The following NFIB variants were observed in gnomAD, a reference collection of about 807,000 sequenced individuals.
NFIB encodes the protein nuclear factor 1 B-type.
A neutral mutation model predicts 61.5 loss-of-function variants in NFIB; 11 were observed. The ratio of observed to expected loss-of-function variants is 0.18; its 90% CI spans 0.11 to 0.30. The LOEUF (loss-of-function observed/expected upper bound fraction) is 0.30. NFIB is among the 10% of genes least tolerant of loss of function. The probability of loss-of-function intolerance (pLI) is 1.00; values close to 1 mark genes in which losing one functional copy is unlikely to be tolerated. For synonymous variants in NFIB, 260 were observed against 216.5 expected (o/e 1.20, Z -1.76); for missense variants, 471 against 608.9 (o/e 0.77, Z 2.38).
the NFIB span, among the ~76,000 whole-genome samples, chr9:14,441,134 C>CAA: frequency 9.9e-5 from 10 of 100,986 alleles, no homozygotes; most frequent in Admixed American, 2.0e-4. Context: ...TGAGTGGGTT[C>CAA]AAAAAAAAAA....
the NFIB span, among the ~76,000 whole-genome samples, chr9:14,427,818 T>C: frequency 6.6e-6 from 1 of 151,790 alleles, no homozygotes; most frequent in South Asian, 2.1e-4. Flanking sequence ...AAATTTGAAA[T>C]AGACAAAGAA....
the NFIB span, among the ~76,000 whole-genome samples, chr9:14,522,800 T>G: frequency 6.6e-6 from 1 of 152,204 alleles, no homozygotes; most frequent in African/African-American, 2.4e-5. Flanking sequence ...GCATCAGCAT[T>G]GAACCTTGAA....
At chr9:14,335,240 T>G (rs2060872257) in intron 1 of NFIB, among the ~76,000 whole-genome samples, 1 of 152,206 alleles carries the variant, frequency 6.6e-6, no homozygotes, top group South Asian at 2.1e-4. Flanking sequence ...AGGTGTCTGT[T>G]TAACTTTTTA....
At chr9:14,410,198 C>CA in the NFIB span, among the ~76,000 whole-genome samples, 1,790 of 117,536 alleles carry the variant, frequency 0.015, 22 homozygotes, top group African/African-American at 0.04. Context: ...TACTATTTTC[C>CA]AAAAAAAAAA....
At chr9:14,144,033 T>TGTGTGTGTGTGTGTGTGTGTG (rs55863803) in intron 6 of NFIB, among the ~76,000 whole-genome samples, 29 of 150,078 alleles carry the variant, frequency 1.9e-4, no homozygotes, top group African/African-American at 2.7e-4. Flanking sequence ...TGTGTGTGTG[T>TGTGTGTGTGTGTGTGTGTGTG]TTAAAATGCA....
chr9:14,089,674 C>T (rs2033545883), intron 10 of NFIB, among the ~76,000 whole-genome samples: 1 of 151,772 alleles, frequency 6.6e-6, no homozygotes, highest in African/African-American at 2.4e-5. Flanking sequence ...TTTCACTGAA[C>T]ATCCTTTGCT....
At chr9:14,443,617 C>A in the NFIB span, among the ~76,000 whole-genome samples, 1 of 152,242 alleles carries the variant, frequency 6.6e-6, no homozygotes, top group South Asian at 2.1e-4. Flanking sequence ...CCTCTTAACA[C>A]TCTCGGAGAT....
intron 1 of NFIB, among the ~76,000 whole-genome samples, chr9:14,363,658 C>G (rs1429316621): frequency 1.3e-5 from 2 of 149,484 alleles, no homozygotes; most frequent in African/African-American, 2.5e-5. Flanking sequence ...TATGTACACA[C>G]ATAAACATCT....
intron 3 of NFIB, among the ~76,000 whole-genome samples, chr9:14,175,340 A>AT (rs1469239281): frequency 6.6e-6 from 1 of 151,032 alleles, no homozygotes; most frequent in African/African-American, 2.4e-5. Flanking sequence ...TGCCCGGCTA[A>AT]TTTTTTTGTA....
intron 2 of NFIB, among the ~76,000 whole-genome samples, chr9:14,197,960 G>A (rs945512468): frequency 4.6e-5 from 7 of 152,134 alleles, no homozygotes; most frequent in Admixed American, 1.3e-4. Context: ...AAAGTGCTAT[G>A]GACAATTTTA....
At chr9:14,088,543 A>G (rs2033252869) in intron 10 of NFIB, among the ~76,000 whole-genome samples, 1 of 152,158 alleles carries the variant, frequency 6.6e-6, no homozygotes, top group Admixed American at 6.6e-5. Context: ...ATTAAGACTA[A>G]AGTGAGGCAG....
intron 2 of NFIB, among the ~76,000 whole-genome samples, chr9:14,268,193 T>C (rs985581744): frequency 1.3e-5 from 2 of 151,860 alleles, no homozygotes; most frequent in Non-Finnish European, 2.9e-5. Context: ...TACATGAAAA[T>C]TTAAAAGCCT....
At chr9:14,305,765 A>C (rs2059985386) in intron 2 of NFIB, 1 of 295,194 alleles carries the variant, frequency 3.4e-6, no homozygotes, top group South Asian at 1.6e-4. Flanking sequence ...TTTTTGAATA[A>C]TAAAGCTCAT....
chr9:14,337,079 C>G (rs573555365), intron 1 of NFIB, among the ~76,000 whole-genome samples: 3 of 152,122 alleles, frequency 2.0e-5, no homozygotes, highest in Non-Finnish European at 4.4e-5. Context: ...AAAAACCATT[C>G]GTAGCTCTCA....
In NFIB at chr9:14,245,485, C is replaced by CAA. The variant is rs149267502; in HGVS notation, c.562+61502_562+61503dup. On this transcript the variant is annotated intron_variant, in intron 2 of 10. Coordinates refer to ENST00000380953, the MANE Select transcript of NFIB (RefSeq NM_001190737.2). ...AACAGAAAAAAAAAACCAACGGCAA[C>CAA]AAAAAAAATGCAACCCTTTTGCTCT... is the stretch of plus-strand genomic sequence containing the variant. Among the ~76,000 whole-genome samples the CAA allele has an allele frequency of 2.6e-5, 4 of 151,198 alleles. No individual in the cohort carries two copies. The South Asian group carries it at 8.3e-4, about 32-fold the overall frequency.
At chr9:14,175,564 T>C (rs2046095756) in intron 3 of NFIB, among the ~76,000 whole-genome samples, 1 of 152,198 alleles carries the variant, frequency 6.6e-6, no homozygotes, top group South Asian at 2.1e-4. Flanking sequence ...ATTTATTTAG[T>C]GTCATCCTTG....
chr9:14,458,104 T>C, the NFIB span, among the ~76,000 whole-genome samples: 32 of 152,334 alleles, frequency 2.1e-4, no homozygotes, highest in Non-Finnish European at 3.7e-4. Flanking sequence ...TGAACATCGA[T>C]GCAAAAATCC....
chr9:14,156,036 C>T (rs906048395), intron 3 of NFIB, 143 bp from the exon 4 acceptor site: 6 of 480,408 alleles, frequency 1.2e-5, no homozygotes, highest in African/African-American at 1.2e-4. Flanking sequence ...AAAAATGACT[C>T]TTAGGAATGC....
At chr9:14,243,824 G>C (rs986686138) in intron 2 of NFIB, among the ~76,000 whole-genome samples, 1 of 152,194 alleles carries the variant, frequency 6.6e-6, no homozygotes, top group African/African-American at 2.4e-5. Flanking sequence ...AAATGACTGA[G>C]TGAGCTCAAG....
Sources: allele counts gnomAD v4.1 joint callset (sites outside exome capture counted in the v4.1 genomes callset), GRCh38; gene constraint gnomAD v4.1.1; transcripts MANE v1.5; gene names NCBI Gene and HGNC (gene_info 2026-07-23, HGNC 2026-07-21).